CDH2: variants seen among roughly 807,000 people sequenced by gnomAD.
CDH2 encodes cadherin-2.
Under a neutral mutation model 92.0 loss-of-function variants are expected in CDH2, and 17 were observed. That is an observed-to-expected ratio of 0.18 (90% CI 0.13 to 0.28). The LOEUF is 0.28. Among genes scored for constraint, CDH2 ranks in the 10% least tolerant of loss-of-function variants. CDH2 has a pLI of 1.00. For synonymous variants in CDH2, 419 were observed against 415.9 expected (o/e 1.01, Z -0.09); for missense variants, 862 against 1,133.1 (o/e 0.76, Z 3.44).
At chr18:28,096,887 C>T (rs2144224296) in intron 2 of CDH2, among the ~76,000 whole-genome samples, 1 of 152,322 alleles carries the variant, frequency 6.6e-6, no homozygotes, top group South Asian at 2.1e-4. Context: ...GCTAAGCATG[C>T]TCCGTACTTG....
At position 28,164,412 on chromosome 18, in the gene CDH2, G is replaced by T. The variant is rs1348974948; in HGVS notation, c.60+12551C>A. ...GGTACATAGTAATTACTAAAAAAAT[G>T]AAAAGCTACTATTAGAATAGAAAGA... On this transcript the variant is annotated intron_variant, in intron 1 of 15. Coordinates refer to ENST00000269141, the MANE Select transcript of CDH2 (RefSeq NM_001792.5). Among the ~76,000 whole-genome samples the T allele has an allele frequency of 2.6e-5, 4 of 152,150 alleles. No homozygotes were observed. In the East Asian group the frequency reaches 7.7e-4, roughly 29 times the overall value.
intron 2 of CDH2, among the ~76,000 whole-genome samples, chr18:28,029,727 C>T (rs1308223925): frequency 6.6e-6 from 1 of 152,082 alleles, no homozygotes; most frequent in African/African-American, 2.4e-5. Context: ...CTCCACATCA[C>T]GTGTTTTATC....
At chr18:28,152,627 T>C (rs760837186) in intron 1 of CDH2, among the ~76,000 whole-genome samples, 1 of 152,124 alleles carries the variant, frequency 6.6e-6, no homozygotes, top group Non-Finnish European at 1.5e-5. Context: ...AGGCAGGATG[T>C]CAAAAGTTGA....
At chr18:28,014,156 T>C (rs1206174193) in intron 2 of CDH2, among the ~76,000 whole-genome samples, 1 of 152,156 alleles carries the variant, frequency 6.6e-6, no homozygotes, top group East Asian at 1.9e-4. Context: ...TCATACTTCC[T>C]GGACACTGGG....
chr18:28,174,708 A>C (rs1024466107), intron 1 of CDH2, among the ~76,000 whole-genome samples: 1 of 152,228 alleles, frequency 6.6e-6, no homozygotes, highest in Non-Finnish European at 1.5e-5. Context: ...CTAAAACAGA[A>C]AATGAGAGTG....
At chr18:27,966,581 C>G (rs1220785312) in intron 14 of CDH2, among the ~76,000 whole-genome samples, 1 of 152,168 alleles carries the variant, frequency 6.6e-6, no homozygotes, top group Non-Finnish European at 1.5e-5. Context: ...ATAGGTGTAT[C>G]TCACCTGAGA....
intron 2 of CDH2, among the ~76,000 whole-genome samples, chr18:28,077,538 G>A (rs2014743942): frequency 6.6e-6 from 1 of 151,934 alleles, no homozygotes; most frequent in Admixed American, 6.6e-5. Context: ...CCAAAATAGA[G>A]GACTAAGCAG....
rs186370836 is a variant in CDH2 at position 27,951,956 on chromosome 18, C to G, written c.*197G>C. 7.0e-5 allele frequency: 41 copies of G among 586,632 alleles called. No individual in the cohort carries two copies. In the East Asian group the frequency reaches 1.0e-3, roughly 15 times the overall value. 36.3% of individuals were successfully genotyped at this position (586,632 alleles called of 1,614,324 possible). A position where few individuals can be genotyped will look rare whatever the true frequency, so the allele number is the denominator to read the frequency against. ...TCTGTACTGTAAAATTCAAGTGTAA[C>G]TGAGCTCAGTGTTTTTCCAAACAGT... On this transcript the variant is annotated 3_prime_UTR_variant, in exon 16 of 16. Coordinates refer to ENST00000269141, the MANE Select transcript of CDH2 (RefSeq NM_001792.5).
At chr18:28,086,045 G>C (rs1164245171) in intron 2 of CDH2, among the ~76,000 whole-genome samples, 8 of 152,138 alleles carry the variant, frequency 5.3e-5, no homozygotes, top group African/African-American at 1.9e-4. Flanking sequence ...TTAGTGACCA[G>C]AATACAAGAC....
At chr18:28,123,958 T>C (rs962537028) in intron 2 of CDH2, among the ~76,000 whole-genome samples, 1 of 152,160 alleles carries the variant, frequency 6.6e-6, no homozygotes, top group Non-Finnish European at 1.5e-5. Context: ...ATAAAACTTA[T>C]GTTAAATTCA....
At chr18:27,984,739 A>G (rs1033242515) in intron 13 of CDH2, among the ~76,000 whole-genome samples, 2 of 152,212 alleles carry the variant, frequency 1.3e-5, no homozygotes, top group Non-Finnish European at 2.9e-5. Flanking sequence ...CAGCTCCCTA[A>G]GCAATAAGCA....
intron 5 of CDH2, among the ~76,000 whole-genome samples, chr18:28,006,563 C>CAA (rs577869215): frequency 1.5e-5 from 2 of 137,204 alleles, no homozygotes; most frequent in African/African-American, 5.3e-5. Context: ...ACTAAAAATA[C>CAA]AAAAAAAAAA....
intron 2 of CDH2, among the ~76,000 whole-genome samples, chr18:28,043,469 T>TATATATATATATATATAA: frequency 1.5e-5 from 1 of 66,080 alleles, no homozygotes; most frequent in East Asian, 5.3e-4. Flanking sequence ...TAAATATATA[T>TATATATATATATATATAA]ATATATATAT....
At chr18:28,129,123 C>A (rs925777847) in intron 2 of CDH2, among the ~76,000 whole-genome samples, 3 of 152,146 alleles carry the variant, frequency 2.0e-5, no homozygotes, top group Admixed American at 2.0e-4. Context: ...TGCAAACAGG[C>A]CTTAGAATTG....
At chr18:28,120,441 TC>T (rs2015568290) in intron 2 of CDH2, among the ~76,000 whole-genome samples, 1 of 152,082 alleles carries the variant, frequency 6.6e-6, no homozygotes, top group African/African-American at 2.4e-5. Context: ...CAATAATATA[TC>T]CATATATTTT....
At chr18:28,056,791 G>A (rs2014301438) in intron 2 of CDH2, among the ~76,000 whole-genome samples, 1 of 152,074 alleles carries the variant, frequency 6.6e-6, no homozygotes, top group Admixed American at 6.6e-5. Context: ...CTCTCCTCTT[G>A]TAAAAGAGAT....
intron 1 of CDH2, among the ~76,000 whole-genome samples, chr18:28,150,657 T>C (rs28365321): frequency 2.5e-4 from 38 of 152,284 alleles, no homozygotes; most frequent in East Asian, 9.7e-4. Flanking sequence ...ATGAGAATTA[T>C]TGAAAAAATG....
chr18:28,165,289 C>G (rs1334263898), intron 1 of CDH2, among the ~76,000 whole-genome samples: 2 of 152,098 alleles, frequency 1.3e-5, no homozygotes, highest in African/African-American at 4.8e-5. Flanking sequence ...CTCAAGTGAT[C>G]CTCCTGCCTC....
At chr18:27,979,834 G>A (rs1310774044) in intron 14 of CDH2, among the ~76,000 whole-genome samples, 2 of 152,142 alleles carry the variant, frequency 1.3e-5, no homozygotes, top group East Asian at 1.9e-4. Context: ...TGGGTATAAG[G>A]GAAGCTTCTA....
Sources: gnomAD v4.1 joint callset for allele counts (sites outside exome capture counted in the v4.1 genomes callset) on GRCh38, gnomAD v4.1.1 for gene constraint, MANE v1.5 for transcripts, NCBI Gene and HGNC (gene_info 2026-07-23, HGNC 2026-07-21) for gene names.